AFF1: variants seen among roughly 807,000 people sequenced by gnomAD.
AFF1 encodes the protein AF4/FMR2 family member 1.
Under a neutral mutation model 121.7 loss-of-function variants are expected in AFF1, and 48 were observed. The ratio of observed to expected loss-of-function variants is 0.39; its 90% CI spans 0.31 to 0.50. The LOEUF (loss-of-function observed/expected upper bound fraction) is 0.50, where lower values mean the gene tolerates loss of function less well. Ranked by LOEUF, AFF1 falls within the 20% of genes least tolerant of loss-of-function variation. AFF1 has a pLI of 0.76. For missense variants in AFF1, 1,523 were observed against 1,511.7 expected, an observed-to-expected ratio of 1.01 and a Z score of -0.12; for synonymous variants, 613 against 563.0, an observed-to-expected ratio of 1.09 and a Z score of -1.26.
At chr4:87,130,986 C>T in intron 16 of AFF1, 97 bp from the exon 17 acceptor site, 1 of 1,489,774 alleles carries the variant, frequency 6.7e-7, no homozygotes, top group South Asian at 1.3e-5. Context: ...CATAATTAAA[C>T]TAAGACAGTG....
chr4:86,954,652 C>G (rs1721612858), intron 2 of AFF1, among the ~76,000 whole-genome samples: 1 of 152,150 alleles, frequency 6.6e-6, no homozygotes, highest in African/African-American at 2.4e-5. Flanking sequence ...TTGCTTGAGC[C>G]TGGAAGGTCA....
At chr4:87,001,648 A>AATT (rs1484558080) in intron 2 of AFF1, among the ~76,000 whole-genome samples, 1 of 152,238 alleles carries the variant, frequency 6.6e-6, no homozygotes, top group African/African-American at 2.4e-5. Context: ...ATCTCCAGGT[A>AATT]ACCCCAGTTT....
chr4:87,096,166 G>A (rs575422469), intron 8 of AFF1, among the ~76,000 whole-genome samples: 1 of 152,082 alleles, frequency 6.6e-6, no homozygotes, highest in Non-Finnish European at 1.5e-5. Context: ...TGTTTTTTTG[G>A]TCTGAAAGAT....
At chr4:87,091,264 G>T (rs1032976524) in intron 6 of AFF1, among the ~76,000 whole-genome samples, 1 of 152,026 alleles carries the variant, frequency 6.6e-6, no homozygotes, top group Non-Finnish European at 1.5e-5. Flanking sequence ...TTAGCTGGGT[G>T]TGGTGGCGGG....
chr4:87,082,210 CT>C (rs1424286393), intron 4 of AFF1, among the ~76,000 whole-genome samples: 2 of 152,222 alleles, frequency 1.3e-5, no homozygotes, highest in East Asian at 3.9e-4. Context: ...TCACCTTCGA[CT>C]TTTAATTGTT....
At chr4:86,974,045 G>A (rs530389070) in intron 2 of AFF1, 1 of 152,338 alleles carries the variant, frequency 6.6e-6, no homozygotes, top group South Asian at 2.1e-4. Flanking sequence ...AAGTGTCACG[G>A]ATGAAATCTT....
At chr4:87,026,541 C>T (rs556002712) in intron 2 of AFF1, among the ~76,000 whole-genome samples, 1 of 152,254 alleles carries the variant, frequency 6.6e-6, no homozygotes, top group Admixed American at 6.5e-5. Context: ...GTGTGGGGAC[C>T]TTGAGTGGCC....
chr4:86,951,885 A>C (rs1179562319), intron 2 of AFF1, among the ~76,000 whole-genome samples: 1 of 148,294 alleles, frequency 6.7e-6, no homozygotes, highest in Non-Finnish European at 1.5e-5. Flanking sequence ...AAGTGCTGGG[A>C]TTACAGGCGT....
At chr4:87,115,856 C>T (rs989081479) in intron 12 of AFF1, among the ~76,000 whole-genome samples, 3 of 151,970 alleles carry the variant, frequency 2.0e-5, no homozygotes, top group Non-Finnish European at 2.9e-5. Flanking sequence ...AGTTATCCAC[C>T]CGCCTCTGCC....
chr4:87,063,228 CTTTTTT>C (rs569577993), intron 4 of AFF1, among the ~76,000 whole-genome samples: 45 of 44,430 alleles, frequency 1.0e-3, no homozygotes, highest in African/African-American at 1.4e-3. Context: ...AGATTCACCT[CTTTTTT>C]TTTTTTTTTT....
chr4:87,114,229 G>T, intron 11 of AFF1, 138 bp from the exon 12 acceptor site: 2 of 676,770 alleles, frequency 3.0e-6, no homozygotes, highest in Non-Finnish European at 2.3e-6. Flanking sequence ...ACTTGAGGAG[G>T]ATGACCGGAA....
At position 87,028,905 on chromosome 4, in the gene AFF1, A is replaced by T. The variant is rs531995004; in HGVS notation, c.39-17261A>T. Among the ~76,000 whole-genome samples the T allele has an allele frequency of 1.2e-4, 18 of 152,246 alleles. No individual in the cohort carries two copies. The East Asian group carries it at 2.9e-3, about 25-fold the overall frequency. ...TGGGAAGGCAGGCGGATTGTCCCCA[A>T]AGGAGGTGCCCTTAGTTGATGTCTG... On this transcript the variant is annotated intron_variant, in intron 2 of 20. Coordinates refer to ENST00000395146, the MANE Select transcript of AFF1 (RefSeq NM_001166693.3).
intron 10 of AFF1, among the ~76,000 whole-genome samples, chr4:87,106,470 G>A (rs1049240543): frequency 4.6e-5 from 7 of 152,348 alleles, no homozygotes; most frequent in Admixed American, 2.0e-4. Flanking sequence ...GACGAGCCCA[G>A]TGTTTTAATG....
At chr4:87,087,399 C>A (rs901650630) in intron 5 of AFF1, among the ~76,000 whole-genome samples, 1 of 152,110 alleles carries the variant, frequency 6.6e-6, no homozygotes, top group Non-Finnish European at 1.5e-5. Context: ...GGAAAATCCT[C>A]GAGGTGGTAT....
chr4:87,127,235 A>C, intron 15 of AFF1, 118 bp downstream of exon 15: 1 of 840,788 alleles, frequency 1.2e-6, no homozygotes, highest in South Asian at 1.5e-5. Flanking sequence ...ATCTTGGCTC[A>C]CTGCAACCTC....
At chr4:87,126,838 A>T (rs985258640) in intron 14 of AFF1, among the ~76,000 whole-genome samples, 188 bp from the exon 15 acceptor site, 1 of 152,178 alleles carries the variant, frequency 6.6e-6, no homozygotes, top group African/African-American at 2.4e-5. Context: ...TTGAGTCCCC[A>T]GTACAATCAG....
At chr4:86,943,385 A>G (rs1051377066) in intron 1 of AFF1, among the ~76,000 whole-genome samples, 1 of 152,222 alleles carries the variant, frequency 6.6e-6, no homozygotes, top group African/African-American at 2.4e-5. Context: ...TGTATGTCCC[A>G]TGACTTATCC....
Position 87,131,130 on chromosome 4 carries a change from C to T in AFF1, c.3012C>T (p.Ser1004=), listed in dbSNP as rs765505400. The stretch of plus-strand genomic sequence containing the variant: ...TTAAGTACCTGGAAGCCGTCTTGTC[C>T]TTCATTGAGTGCGGAATTGCCACAG... The part of the protein sequence containing the change: ...KAFKYLEAVL[S]FIECGIATES... Residue 1004 remains serine, a synonymous_variant, in exon 17 of 21, where the codon TCC becomes TCT. Transcript: ENST00000395146. The T allele has an allele frequency of 1.2e-5, 19 of 1,614,084 alleles. No homozygotes were observed. The highest frequency in any genetic ancestry group is 6.7e-5 in the African/African-American group (5 of 74,920).
intron 12 of AFF1, 116 bp downstream of exon 12, chr4:87,115,415 T>G (rs1727006331): frequency 2.7e-6 from 3 of 1,092,816 alleles, no homozygotes; most frequent in African/African-American, 1.6e-5. Flanking sequence ...AAGTCTTTGC[T>G]TTGATTCGCT....
Sources: gnomAD v4.1 joint callset for allele counts (sites outside exome capture counted in the v4.1 genomes callset) on GRCh38, gnomAD v4.1.1 for gene constraint, MANE v1.5 for transcripts, NCBI Gene and HGNC (gene_info 2026-07-23, HGNC 2026-07-21) for gene names.